VPS54: variants seen among roughly 807,000 people sequenced by gnomAD.
VPS54 encodes vacuolar protein sorting-associated protein 54.
VPS54 carries 45 observed loss-of-function variants against 121.5 expected under a neutral mutation model. The ratio of observed to expected loss-of-function variants is 0.37; its 90% CI spans 0.29 to 0.47. The LOEUF (loss-of-function observed/expected upper bound fraction) is 0.47. Among genes scored for constraint, VPS54 ranks in the 20% least tolerant of loss-of-function variants. The probability of loss-of-function intolerance (pLI) is 0.99; values close to 1 mark genes in which losing one functional copy is unlikely to be tolerated. For synonymous variants in VPS54, 371 were observed against 385.8 expected (o/e 0.96, Z 0.45); for missense variants, 1,090 against 1,131.4 (o/e 0.96, Z 0.52).
intron 3 of VPS54, among the ~76,000 whole-genome samples, chr2:63,978,477 T>C (rs1020631556): frequency 3.9e-5 from 6 of 152,340 alleles, no homozygotes; most frequent in African/African-American, 1.4e-4. Context: ...TTTGAAAGAA[T>C]GTGTGTAGAT....
In VPS54 at chr2:63,919,900, G is replaced by T; in HGVS notation, c.2147C>A (p.Pro716His). Residue 716 changes from proline to histidine, a missense_variant, in exon 15 of 23, where the codon CCT becomes CAT. Transcript: ENST00000272322. ...ACACATACCTCCTGATTTTTTTTCA[G>T]GTAAAGCAATCTTCCCATCTGACAG... ...DSLSDGKIALPEKKSGATEER... is the reference protein window; with the variant it reads ...DSLSDGKIALHEKKSGATEER... 6.2e-7 allele frequency: 1 copy of T among 1,607,450 alleles called. No individual in the cohort carries two copies. The highest frequency in any genetic ancestry group is 1.1e-5 in the South Asian group (1 of 90,014).
chr2:63,907,557 T>C (rs992512451), intron 20 of VPS54, among the ~76,000 whole-genome samples: 3 of 146,102 alleles, frequency 2.1e-5, no homozygotes, highest in Admixed American at 6.8e-5. Context: ...TTTCTCAGGA[T>C]AGGACACAAG....
intron 1 of VPS54, among the ~76,000 whole-genome samples, chr2:64,013,078 G>A (rs1244298910): frequency 6.6e-6 from 1 of 152,184 alleles, no homozygotes; most frequent in Non-Finnish European, 1.5e-5. Context: ...TCAGGGAATA[G>A]GATATTTACA....
At position 63,949,091 on chromosome 2, in the gene VPS54, A is replaced by G. The variant is rs759409072; in HGVS notation, c.1083T>C (p.Tyr361=). 1.2e-6 allele frequency: 2 copies of G among 1,611,826 alleles called. No homozygotes were observed. Among genetic ancestry groups the G allele is most frequent in the East Asian group, 2.2e-5 (1 of 44,788 alleles). ...GTGGTCTATTTAAGTCACTGTGAGA[A>G]TAAGTAGAAAATTCTGCAATCATCA... ...DKMMIAEFST[Y]SHSDLNRPLE... The change falls in exon 8 of 23, where the codon TAT becomes TAC. Residue 361 remains tyrosine, a synonymous_variant. Transcript: ENST00000272322.
intron 12 of VPS54, among the ~76,000 whole-genome samples, chr2:63,924,814 A>G (rs1254764156): frequency 2.6e-5 from 4 of 152,236 alleles, no homozygotes; most frequent in Non-Finnish European, 5.9e-5. Context: ...ATTATAGAGC[A>G]GTAGGAAAGA....
intron 20 of VPS54, among the ~76,000 whole-genome samples, chr2:63,902,753 G>T (rs1199644099): frequency 6.6e-6 from 1 of 152,160 alleles, no homozygotes; most frequent in African/African-American, 2.4e-5. Flanking sequence ...TGGATCACCT[G>T]AAGTCAGGAG....
At chr2:63,965,809 C>T (rs1425729888) in intron 6 of VPS54, 26 bp downstream of exon 6, 1 of 1,607,922 alleles carries the variant, frequency 6.2e-7, no homozygotes, top group Non-Finnish European at 8.5e-7. Flanking sequence ...TAGTTTCCTA[C>T]ATGGAAAAAG....
intron 12 of VPS54, among the ~76,000 whole-genome samples, chr2:63,924,770 C>T (rs1473956543): frequency 6.6e-6 from 1 of 152,058 alleles, no homozygotes; most frequent in Non-Finnish European, 1.5e-5. Context: ...AACAGATACG[C>T]CTATCTGAAT....
chr2:63,906,401 T>C (rs1005963970), intron 20 of VPS54, among the ~76,000 whole-genome samples: 2 of 151,946 alleles, frequency 1.3e-5, no homozygotes, highest in Non-Finnish European at 2.9e-5. Flanking sequence ...GAAACGTAAA[T>C]CTTAAAAAAA....
chr2:64,000,407 C>T lies in VPS54; in HGVS notation c.-20-16388G>A, dbSNP rs545171840. Among the ~76,000 whole-genome samples the T allele has an allele frequency of 3.9e-5, 6 of 152,290 alleles. No homozygotes were observed. In the East Asian group the frequency reaches 1.2e-3, roughly 29 times the overall value. On this transcript the variant is annotated intron_variant, in intron 1 of 22. Transcript: ENST00000272322. ...TTAGTCCCTGGTGCCTTATTTAGTTCATCTGGAGAGGTCATATTTTCCTGG... is the reference window on the plus strand; with the variant it reads ...TTAGTCCCTGGTGCCTTATTTAGTTTATCTGGAGAGGTCATATTTTCCTGG...
intron 20 of VPS54, 113 bp downstream of exon 20, chr2:63,912,232 A>G: frequency 9.5e-7 from 1 of 1,053,514 alleles, no homozygotes; most frequent in Non-Finnish European, 1.4e-6. Context: ...ATTGGTAAAT[A>G]TCCTATGAAA....
intron 1 of VPS54, among the ~76,000 whole-genome samples, chr2:63,993,674 T>C (rs1226954086): frequency 6.6e-6 from 1 of 152,232 alleles, no homozygotes; most frequent in African/African-American, 2.4e-5. Context: ...TTCCATACTG[T>C]GGCAAATTCA....
intron 7 of VPS54, among the ~76,000 whole-genome samples, chr2:63,958,939 C>A (rs537733930): frequency 6.6e-6 from 1 of 151,998 alleles, no homozygotes. Flanking sequence ...AAGACAAAAA[C>A]GTGTGAAATT....
chr2:63,945,901 T>C (rs1208303239), intron 9 of VPS54, among the ~76,000 whole-genome samples: 2 of 152,176 alleles, frequency 1.3e-5, no homozygotes, highest in Admixed American at 6.5e-5. Flanking sequence ...TTTTAGAAAT[T>C]GCTTAAAATA....
chr2:64,001,572 G>T (rs1375239602), intron 1 of VPS54, among the ~76,000 whole-genome samples: 1 of 152,058 alleles, frequency 6.6e-6, no homozygotes, highest in Non-Finnish European at 1.5e-5. Flanking sequence ...GGGCCCTTTA[G>T]TCAGCACAGG....
chr2:63,942,022 A>G (rs1468966530), intron 11 of VPS54, among the ~76,000 whole-genome samples: 1 of 133,998 alleles, frequency 7.5e-6, no homozygotes, highest in Non-Finnish European at 1.6e-5. Flanking sequence ...TAACAGCAAG[A>G]CTCCACCTCA....
At chr2:64,006,785 A>G (rs985262504) in intron 1 of VPS54, among the ~76,000 whole-genome samples, 1 of 152,052 alleles carries the variant, frequency 6.6e-6, no homozygotes, top group African/African-American at 2.4e-5. Flanking sequence ...CGCCCAGCTA[A>G]TTTCTGTAAT....
At chr2:64,008,915 A>G (rs1678296874) in intron 1 of VPS54, among the ~76,000 whole-genome samples, 1 of 152,238 alleles carries the variant, frequency 6.6e-6, no homozygotes, top group Non-Finnish European at 1.5e-5. Flanking sequence ...AAAATAACCT[A>G]GTAAGAAAAA....
At chr2:64,001,639 C>T (rs1239674681) in intron 1 of VPS54, among the ~76,000 whole-genome samples, 1 of 152,064 alleles carries the variant, frequency 6.6e-6, no homozygotes, top group Non-Finnish European at 1.5e-5. Flanking sequence ...CCTTCTAGCC[C>T]AGGCGTGTGT....
Sources: gnomAD v4.1 joint callset for allele counts (sites outside exome capture counted in the v4.1 genomes callset) on GRCh38, gnomAD v4.1.1 for gene constraint, MANE v1.5 for transcripts, NCBI Gene and HGNC (gene_info 2026-07-23, HGNC 2026-07-21) for gene names.